CNTNAP2: variants seen among roughly 807,000 people sequenced by gnomAD.
The protein encoded by CNTNAP2 is contactin associated protein 2, also known as contactin-associated protein-like 2.
A neutral mutation model predicts 155.2 loss-of-function variants in CNTNAP2; 98 were observed. The observed-to-expected ratio is 0.63, with a 90% CI of 0.54 to 0.75. The LOEUF is 0.75. Ranked by LOEUF, CNTNAP2 falls within the 30% of genes least tolerant of loss-of-function variation. The pLI is 0.00. For missense variants in CNTNAP2, 1,727 were observed against 1,688.1 expected, an observed-to-expected ratio of 1.02 and a Z score of -0.40; for synonymous variants, 651 against 631.2, an observed-to-expected ratio of 1.03 and a Z score of -0.47.
At chr7:146,255,432 A>T (rs919556531) in intron 1 of CNTNAP2, among the ~76,000 whole-genome samples, 1 of 152,234 alleles carries the variant, frequency 6.6e-6, no homozygotes, top group Non-Finnish European at 1.5e-5. Context: ...AATGATGATA[A>T]GCAGTAGAGG....
chr7:147,063,756 C>T (rs954907656), intron 4 of CNTNAP2, among the ~76,000 whole-genome samples: 1 of 152,032 alleles, frequency 6.6e-6, no homozygotes, highest in Non-Finnish European at 1.5e-5. Flanking sequence ...TGTCTAGTCA[C>T]AGTTTTAATT....
chr7:146,675,852 C>A (rs900342794), intron 1 of CNTNAP2, among the ~76,000 whole-genome samples: 2 of 150,760 alleles, frequency 1.3e-5, no homozygotes, highest in African/African-American at 5.0e-5. Flanking sequence ...CATTAAAAAA[C>A]ATTTGCTTTC....
intron 1 of CNTNAP2, among the ~76,000 whole-genome samples, chr7:146,429,925 AC>A (rs1292769739): frequency 3.3e-5 from 5 of 152,068 alleles, no homozygotes; most frequent in Non-Finnish European, 7.4e-5. Flanking sequence ...AGAGTTTTTA[AC>A]ATGAATGAAG....
intron 16 of CNTNAP2, among the ~76,000 whole-genome samples, chr7:148,140,357 C>A (rs1019719669): frequency 5.9e-5 from 9 of 152,064 alleles, no homozygotes; most frequent in African/African-American, 2.2e-4. Flanking sequence ...TAAGCCAAAG[C>A]CCCACACCCT....
intron 1 of CNTNAP2, among the ~76,000 whole-genome samples, chr7:146,326,664 A>G (rs1801102881): frequency 6.6e-6 from 1 of 152,172 alleles, no homozygotes; most frequent in Admixed American, 6.5e-5. Flanking sequence ...CACCAATCAA[A>G]CTTTTGCCAC....
intron 13 of CNTNAP2, among the ~76,000 whole-genome samples, chr7:147,782,427 T>C (rs949575027): frequency 1.3e-5 from 2 of 152,106 alleles, no homozygotes; most frequent in Admixed American, 6.5e-5. Flanking sequence ...TTATAAATAA[T>C]AGAAATGTAT....
At chr7:147,705,858 C>A (rs990498001) in intron 13 of CNTNAP2, among the ~76,000 whole-genome samples, 4 of 152,036 alleles carry the variant, frequency 2.6e-5, no homozygotes, top group African/African-American at 9.7e-5. Context: ...TTTTCTCATA[C>A]AAGTTTAGCT....
chr7:146,339,781 G>T (rs1237659237), intron 1 of CNTNAP2, among the ~76,000 whole-genome samples: 2 of 151,944 alleles, frequency 1.3e-5, no homozygotes, highest in African/African-American at 4.8e-5. Flanking sequence ...AGTAACAGGG[G>T]ATTTTACTCT....
At chr7:146,194,338 G>A (rs1055554723) in intron 1 of CNTNAP2, among the ~76,000 whole-genome samples, 1 of 152,320 alleles carries the variant, frequency 6.6e-6, no homozygotes, top group East Asian at 1.9e-4. Context: ...GCATGGCTGG[G>A]GAAGTCTCAC....
intron 8 of CNTNAP2, among the ~76,000 whole-genome samples, chr7:147,201,243 T>C (rs1256151034): frequency 2.0e-5 from 3 of 152,180 alleles, no homozygotes; most frequent in African/African-American, 7.2e-5. Context: ...CTTACATTCC[T>C]TTTAGGAAAT....
At chr7:147,175,606 A>C (rs2116486620) in intron 8 of CNTNAP2, among the ~76,000 whole-genome samples, 1 of 152,322 alleles carries the variant, frequency 6.6e-6, no homozygotes, top group Non-Finnish European at 1.5e-5. Context: ...AGAAAGAAAT[A>C]ACTTCACACA....
At chr7:148,115,673 G>C (rs1243933117) in intron 15 of CNTNAP2, among the ~76,000 whole-genome samples, 2 of 152,082 alleles carry the variant, frequency 1.3e-5, no homozygotes, top group Non-Finnish European at 2.9e-5. Context: ...AGATGTTGAG[G>C]GGGGAGGAAG....
intron 21 of CNTNAP2, among the ~76,000 whole-genome samples, chr7:148,343,895 G>A (rs1373068316): frequency 2.0e-5 from 3 of 152,104 alleles, no homozygotes; most frequent in Admixed American, 6.5e-5. Flanking sequence ...GGTGAAATGG[G>A]GACCACTTGA....
At chr7:147,699,232 TAAAAAAA>T (rs202135443) in intron 13 of CNTNAP2, among the ~76,000 whole-genome samples, 1 of 125,386 alleles carries the variant, frequency 8.0e-6, no homozygotes, top group African/African-American at 2.9e-5. Context: ...AAAATTCTAT[TAAAAAAA>T]AAAAAAAACG....
At chr7:147,681,620 A>T (rs146156060) in intron 13 of CNTNAP2, among the ~76,000 whole-genome samples, 2,488 of 152,034 alleles carry the variant, frequency 0.016, 220 homozygotes, top group Admixed American at 0.15. Flanking sequence ...TGAATTCGTG[A>T]AATTCACCTC....
chr7:148,279,597 G>A (rs1348497593), intron 21 of CNTNAP2, among the ~76,000 whole-genome samples: 1 of 152,300 alleles, frequency 6.6e-6, no homozygotes, highest in Non-Finnish European at 1.5e-5. Context: ...GTGCATATCA[G>A]AAACCGAACA....
chr7:147,312,358 C>A (rs1220645084), intron 9 of CNTNAP2, among the ~76,000 whole-genome samples: 1 of 150,754 alleles, frequency 6.6e-6, no homozygotes, highest in Non-Finnish European at 1.5e-5. Context: ...TGTGCTGCAC[C>A]CATTAACTCG....
At chr7:146,381,240 T>A (rs1795383110) in intron 1 of CNTNAP2, among the ~76,000 whole-genome samples, 1 of 152,214 alleles carries the variant, frequency 6.6e-6, no homozygotes, top group Admixed American at 6.5e-5. Context: ...ATCATTGACC[T>A]GAGATTGCTA....
chr7:146,908,967 G>A (rs1375848987), intron 3 of CNTNAP2, among the ~76,000 whole-genome samples: 1 of 147,870 alleles, frequency 6.8e-6, no homozygotes, highest in Non-Finnish European at 1.5e-5. Context: ...ATGATAAAGG[G>A]GATATCACCA....
Sources: gnomAD v4.1 joint callset for allele counts (sites outside exome capture counted in the v4.1 genomes callset) on GRCh38, gnomAD v4.1.1 for gene constraint, MANE v1.5 for transcripts, NCBI Gene and HGNC (gene_info 2026-07-23, HGNC 2026-07-21) for gene names.